HIVEP3: variants seen among roughly 807,000 people sequenced by gnomAD.
HIVEP3 encodes transcription factor HIVEP3.
A neutral mutation model predicts 152.8 loss-of-function variants in HIVEP3; 49 were observed. The ratio of observed to expected loss-of-function variants is 0.32; its 90% CI spans 0.26 to 0.41. HIVEP3 has a LOEUF of 0.41. HIVEP3 is among the 10% of genes least tolerant of loss of function. The pLI, the probability that HIVEP3 is intolerant of heterozygous loss-of-function variation, is 1.00. For synonymous variants in HIVEP3, 1,269 were observed against 1,289.0 expected, an observed-to-expected ratio of 0.98 and a Z score of 0.33; for missense variants, 2,790 against 3,103.3, an observed-to-expected ratio of 0.90 and a Z score of 2.40.
intron 3 of HIVEP3, among the ~76,000 whole-genome samples, chr1:41,623,864 A>G (rs974229337): frequency 6.6e-6 from 1 of 150,858 alleles, no homozygotes; most frequent in Non-Finnish European, 1.5e-5. Flanking sequence ...TCACACCTTG[A>G]CCTGTTGAAT....
chr1:41,579,997 T>C lies in HIVEP3; in HGVS notation c.4801A>G (p.Thr1601Ala). The change falls in exon 4 of 9, where the codon ACC becomes GCC. Residue 1601 changes from threonine to alanine, a missense_variant. Coordinates refer to ENST00000372583, the MANE Select transcript of HIVEP3 (RefSeq NM_024503.5). The part of the protein sequence containing the change: ...KVLQFPSLHT[T>A]TNVSWCYLNY... ...AAATAGCACCAACTGACATTAGTGG[T>C]TGTGTGGAGGCTGGGGAACTGCAGT... 6.2e-7 allele frequency: 1 copy of C among 1,614,186 alleles called. No homozygotes were observed. Among genetic ancestry groups the C allele is most frequent in the East Asian group, 2.2e-5 (1 of 44,876 alleles).
At chr1:41,578,512 T>A (rs7545381) in intron 4 of HIVEP3, among the ~76,000 whole-genome samples, 75,936 of 152,018 alleles carry the variant, frequency 0.5, 19,229 homozygotes, top group African/African-American at 0.55. Context: ...GGGGAAGATA[T>A]GAGAGCACAG....
intron 1 of HIVEP3, among the ~76,000 whole-genome samples, chr1:41,833,378 T>A (rs1280677300): frequency 6.6e-6 from 1 of 152,116 alleles, no homozygotes; most frequent in East Asian, 1.9e-4. Flanking sequence ...GTTTTTGAGG[T>A]CTTGAGTCCA....
At chr1:41,760,593 A>G (rs923207495) in intron 1 of HIVEP3, among the ~76,000 whole-genome samples, 7 of 152,226 alleles carry the variant, frequency 4.6e-5, no homozygotes, top group African/African-American at 1.4e-4. Flanking sequence ...CTCAATAGAT[A>G]CTTGCTGATT....
intron 5 of HIVEP3, among the ~76,000 whole-genome samples, chr1:41,550,918 T>C (rs1643887251): frequency 6.6e-6 from 1 of 152,236 alleles, no homozygotes; most frequent in African/African-American, 2.4e-5. Flanking sequence ...CTATGTTGAA[T>C]AGGAGTGGTG....
chr1:41,940,847 G>A (rs12401779), intron 1 of HIVEP3, among the ~76,000 whole-genome samples: 40,976 of 151,348 alleles, frequency 0.27, 6,342 homozygotes, highest in South Asian at 0.38. Context: ...AAAGACAGAG[G>A]AGAGAGAGGG....
intron 1 of HIVEP3, among the ~76,000 whole-genome samples, chr1:41,816,453 G>A (rs1193258260): frequency 1.3e-5 from 2 of 152,168 alleles, no homozygotes; most frequent in African/African-American, 2.4e-5. Context: ...TTGGGAGGTC[G>A]AGGTGGGTAG....
rs115625816 is a variant in HIVEP3, at chr1:41,528,918, C to T, written c.5208-4008G>A. Among the ~76,000 whole-genome samples, 1,327 of 136,490 alleles carry T rather than the reference C, an allele frequency of 9.7e-3. 8 individuals carry two copies. The highest frequency in any genetic ancestry group is 0.018 in the South Asian group (70 of 3,816). 89.5% of individuals were successfully genotyped at this position (136,490 alleles called of 152,430 possible). A position where few individuals can be genotyped will look rare whatever the true frequency, so the allele number is the denominator to read the frequency against. On this transcript the variant is annotated intron_variant, in intron 5 of 8. Coordinates refer to ENST00000372583, the MANE Select transcript of HIVEP3 (RefSeq NM_024503.5). The stretch of plus-strand genomic sequence containing the variant: ...ACTCCACACCCCGCCCTCACACCTT[C>T]GCACACCCCCGCCCTCACACTCACC...
At chr1:41,756,047 G>GT (rs1183748860) in intron 1 of HIVEP3, among the ~76,000 whole-genome samples, 1 of 152,206 alleles carries the variant, frequency 6.6e-6, no homozygotes, top group Admixed American at 6.5e-5. Context: ...CAGCAGCCTT[G>GT]TTTGTAAAAG....
intron 1 of HIVEP3, among the ~76,000 whole-genome samples, chr1:41,838,779 C>T (rs1425597223): frequency 1.3e-5 from 2 of 152,152 alleles, no homozygotes; most frequent in Non-Finnish European, 2.9e-5. Flanking sequence ...GGACTCTGCC[C>T]AGTGTCTGGC....
chr1:42,020,033 T>A (rs1231784617), intron 1 of HIVEP3, among the ~76,000 whole-genome samples: 1 of 152,138 alleles, frequency 6.6e-6, no homozygotes, highest in Non-Finnish European at 1.5e-5. Flanking sequence ...TAAACTACTC[T>A]TGAATTCCTA....
intron 5 of HIVEP3, among the ~76,000 whole-genome samples, chr1:41,549,265 G>A (rs1007492665): frequency 2.0e-5 from 3 of 152,162 alleles, no homozygotes; most frequent in African/African-American, 7.2e-5. Context: ...TCTTAATCCA[G>A]TCTATCATTG....
intron 5 of HIVEP3, among the ~76,000 whole-genome samples, chr1:41,526,183 T>C (rs961079985): frequency 6.6e-6 from 1 of 151,782 alleles, no homozygotes; most frequent in Non-Finnish European, 1.5e-5. Flanking sequence ...AGAGGGGACT[T>C]GAGGGAGAGA....
chr1:41,742,009 G>T (rs1395610069), intron 1 of HIVEP3, among the ~76,000 whole-genome samples: 1 of 152,164 alleles, frequency 6.6e-6, no homozygotes, highest in Admixed American at 6.5e-5. Flanking sequence ...TTGATTTGTG[G>T]CAAGATAATG....
intron 5 of HIVEP3, among the ~76,000 whole-genome samples, chr1:41,549,602 A>G (rs1245824633): frequency 6.6e-6 from 1 of 152,228 alleles, no homozygotes; most frequent in Admixed American, 6.5e-5. Flanking sequence ...TGTGGTTTTG[A>G]TTTGCATTTC....
chr1:41,570,031 C>T (rs1644228950), intron 5 of HIVEP3, among the ~76,000 whole-genome samples: 2 of 152,196 alleles, frequency 1.3e-5, no homozygotes, highest in Non-Finnish European at 2.9e-5. Flanking sequence ...CTCCCAGATA[C>T]GAAGTTGGAT....
At position 41,812,684 on chromosome 1, in the gene HIVEP3, G is replaced by C. The variant is rs150681769; in HGVS notation, c.-801+105729C>G. Among the ~76,000 whole-genome samples, 728 of 151,734 alleles carry C rather than the reference G, an allele frequency of 4.8e-3. 13 individuals are homozygous for C. Among genetic ancestry groups the C allele is most frequent in the East Asian group, 0.044 (226 of 5,144 alleles). On this transcript the variant is annotated intron_variant, in intron 1 of 8. Coordinates refer to ENST00000372583, the MANE Select transcript of HIVEP3 (RefSeq NM_024503.5). Reference sequence around the variant, plus strand: ...GCAAATACCAAGGCTGGTAGGGGGTGGGGGGGGACCTGGGCTGCTCACCCC... The same window carrying C: ...GCAAATACCAAGGCTGGTAGGGGGTCGGGGGGGACCTGGGCTGCTCACCCC...
At chr1:41,911,973 A>C (rs1197287362) in intron 1 of HIVEP3, among the ~76,000 whole-genome samples, 1 of 152,242 alleles carries the variant, frequency 6.6e-6, no homozygotes, top group African/African-American at 2.4e-5. Context: ...TTTGTCAACC[A>C]GTGAGCCTTA....
At chr1:41,876,682 T>G (rs536181863) in intron 1 of HIVEP3, among the ~76,000 whole-genome samples, 1 of 152,328 alleles carries the variant, frequency 6.6e-6, no homozygotes, top group East Asian at 1.9e-4. Context: ...CTTTAAATGT[T>G]ATCTGGCCAC....
Sources: allele counts gnomAD v4.1 joint callset (sites outside exome capture counted in the v4.1 genomes callset), GRCh38; gene constraint gnomAD v4.1.1; transcripts MANE v1.5; gene names NCBI Gene and HGNC (gene_info 2026-07-23, HGNC 2026-07-21).